The following DKK3 variants were observed in gnomAD, a reference collection of about 807,000 sequenced individuals.
The protein encoded by DKK3 is dickkopf Wnt signaling pathway inhibitor 3.
In DKK3, 22 loss-of-function variants were observed where a neutral mutation model predicts 33.2. That is an observed-to-expected ratio of 0.66 (90% CI 0.47 to 0.95). The LOEUF (loss-of-function observed/expected upper bound fraction) is 0.95, where lower values mean the gene tolerates loss of function less well. DKK3 is among the 40% of genes least tolerant of loss of function. The probability of loss-of-function intolerance (pLI) is 0.00; values close to 1 mark genes in which losing one functional copy is unlikely to be tolerated. For synonymous variants in DKK3, 194 were observed against 188.8 expected, an observed-to-expected ratio of 1.03 and a Z score of -0.23; for missense variants, 398 against 458.4, an observed-to-expected ratio of 0.87 and a Z score of 1.20.
rs111466220 is a variant in DKK3, at chr11:11,964,031, A to T, written c.*433T>A. ...TGCCCATGGAAAGAACTGCGTGGAAAATTCATTTGTTGCATTTTTGCCAGG... is the reference window on the plus strand; with the variant it reads ...TGCCCATGGAAAGAACTGCGTGGAATATTCATTTGTTGCATTTTTGCCAGG... On this transcript the variant is annotated 3_prime_UTR_variant, in exon 7 of 7. Coordinates refer to ENST00000683431, the MANE Select transcript of DKK3 (RefSeq NM_001018057.2). The T allele has an allele frequency of 1.1e-3, 193 of 183,754 alleles. 1 individual carries two copies. The highest frequency in any genetic ancestry group is 1.6e-3 in the Non-Finnish European group (144 of 87,346). 11.4% of individuals were successfully genotyped at this position (183,754 alleles called of 1,614,324 possible).
At chr11:12,002,874 C>G (rs1532246) in intron 1 of DKK3, among the ~76,000 whole-genome samples, 2 of 152,324 alleles carry the variant, frequency 1.3e-5, no homozygotes, top group East Asian at 1.9e-4. Flanking sequence ...AACTCTGTCT[C>G]TCTCTAAGGG....
chr11:11,988,271 C>T (rs547641336), intron 3 of DKK3, among the ~76,000 whole-genome samples: 11 of 152,316 alleles, frequency 7.2e-5, no homozygotes, highest in South Asian at 4.1e-4. Flanking sequence ...AATCTCCATC[C>T]ATCATTTTTC....
chr11:11,964,712 G>A, intron 6 of DKK3, 26 bp from the exon 7 acceptor site: 1 of 1,604,102 alleles, frequency 6.2e-7, no homozygotes, highest in Non-Finnish European at 8.5e-7. Context: ...ACAAAGCCAG[G>A]CTCTAAACGT....
intron 3 of DKK3, among the ~76,000 whole-genome samples, chr11:11,989,259 T>C (rs561798688): frequency 1.5e-3 from 233 of 152,352 alleles, no homozygotes; most frequent in Non-Finnish European, 2.8e-3. Flanking sequence ...GATATTTGCA[T>C]ACCTGTGTTC....
At chr11:11,975,665 T>C (rs12790233) in intron 3 of DKK3, among the ~76,000 whole-genome samples, 30,583 of 152,112 alleles carry the variant, frequency 0.2, 3,859 homozygotes, top group African/African-American at 0.37. Context: ...GCCAAGGTCC[T>C]GGTTCACCCA....
chr11:11,995,049 G>A (rs552797800), intron 3 of DKK3, among the ~76,000 whole-genome samples: 1 of 152,242 alleles, frequency 6.6e-6, no homozygotes, highest in East Asian at 1.9e-4. Context: ...GCTTTTGGCA[G>A]GAAAATCCAT....
chr11:11,987,657 G>A (rs967765071), intron 3 of DKK3, among the ~76,000 whole-genome samples: 6 of 152,246 alleles, frequency 3.9e-5, no homozygotes, highest in Admixed American at 2.0e-4. Flanking sequence ...TTCCTTCCTG[G>A]TTCAGAGGAG....
chr11:11,976,695 G>T (rs1163698996), intron 3 of DKK3, among the ~76,000 whole-genome samples: 1 of 152,226 alleles, frequency 6.6e-6, no homozygotes, highest in East Asian at 1.9e-4. Context: ...CCTGCTGCAG[G>T]AGGGCAGGGT....
rs545846944 is a variant in DKK3, at chr11:11,988,646, G to A, written c.435+10050C>T. Among the ~76,000 whole-genome samples the A allele has an allele frequency of 7.2e-5, 11 of 152,346 alleles. No homozygotes were observed. In the East Asian group the frequency reaches 2.1e-3, roughly 29 times the overall value. ...GAGCCCCTTTACAGGGAAGTGGGAG[G>A]CCCCTCATGCCTCTGGGGAGTCTTT... is the stretch of plus-strand genomic sequence containing the variant. On this transcript the variant is annotated intron_variant, in intron 3 of 6. Transcript: ENST00000683431.
intron 3 of DKK3, among the ~76,000 whole-genome samples, chr11:11,996,408 G>A (rs1444459537): frequency 2.0e-5 from 3 of 152,170 alleles, no homozygotes; most frequent in Admixed American, 1.3e-4. Flanking sequence ...AGAATTCTGT[G>A]GACATGGGAA....
rs1455190967 is a variant in DKK3 at position 11,964,392 on chromosome 11, C to T, written c.*72G>A. The T allele has an allele frequency of 5.2e-6, 8 of 1,551,860 alleles. No homozygotes were observed. The highest frequency in any genetic ancestry group is 3.5e-6 in the Non-Finnish European group (4 of 1,151,706). ...TGTAGGAAGAAGCCTGGTCAGCCCA[C>T]GCCTAAAGCACACACCTGGGGAAAT... On this transcript the variant is annotated 3_prime_UTR_variant, in exon 7 of 7. Coordinates refer to ENST00000683431, the MANE Select transcript of DKK3 (RefSeq NM_001018057.2).
chr11:11,964,604 G>T lies in DKK3; in HGVS notation c.913C>A (p.Pro305Thr), dbSNP rs1023002256. ...AAGCTGCCAACTTCATACTCATCGG[G>T]GACCTCTCTGGGCAGCAGGATCTCC... ...DGEILLPREV[P>T]DEYEVGSFME... is the part of the protein sequence containing the mutation. Residue 305 changes from proline to threonine, a missense_variant, in exon 7 of 7, where the codon CCC (proline) becomes ACC (threonine). Coordinates refer to ENST00000683431, the MANE Select transcript of DKK3 (RefSeq NM_001018057.2). The T allele has an allele frequency of 6.2e-7, 1 of 1,614,118 alleles. No individual in the cohort carries two copies. The highest frequency in any genetic ancestry group is 1.3e-5 in the African/African-American group (1 of 75,038).
At chr11:11,987,522 TG>T (rs1326864174) in intron 3 of DKK3, among the ~76,000 whole-genome samples, 5 of 152,174 alleles carry the variant, frequency 3.3e-5, no homozygotes, top group African/African-American at 1.2e-4. Context: ...AGTTGCTGCT[TG>T]GAAGTGCTGT....
rs996161011 is a variant in DKK3 at position 11,965,870 on chromosome 11, C to G, written c.769G>C (p.Glu257Gln). The stretch of plus-strand genomic sequence containing the variant: ...CATCGGTCCAAGGCTCCATCAGGCT[C>G]TAGCTCCCAGGTGATGAGGTCCAGA... ...RLLDLITWELEPDGALDRCPC... is the reference protein window; with the variant it reads ...RLLDLITWELQPDGALDRCPC... Residue 257 changes from glutamate to glutamine, a missense_variant, in exon 6 of 7, where the codon GAG (glutamate) becomes CAG (glutamine). Glu to Gln is a conservative substitution (Grantham distance 29). Transcript: ENST00000683431. The G allele has an allele frequency of 2.5e-6, 4 of 1,614,196 alleles. No individual in the cohort carries two copies. The East Asian group carries it at 6.7e-5, about 27-fold the overall frequency.
intron 3 of DKK3, among the ~76,000 whole-genome samples, chr11:11,995,648 G>T (rs1463248152): frequency 6.6e-6 from 1 of 152,224 alleles, no homozygotes; most frequent in Non-Finnish European, 1.5e-5. Context: ...ATAAATAAAA[G>T]TGTCCTATTA....
At chr11:12,002,714 C>G (rs1454994993) in intron 1 of DKK3, among the ~76,000 whole-genome samples, 1 of 152,160 alleles carries the variant, frequency 6.6e-6, no homozygotes, top group African/African-American at 2.4e-5. Context: ...ATAAATTCCC[C>G]AGAGTCCCAG....
chr11:12,002,401 C>T lies in DKK3; in HGVS notation c.250G>A (p.Glu84Lys), dbSNP rs1421647375. 3.7e-6 allele frequency: 6 copies of T among 1,613,748 alleles called. No individual in the cohort carries two copies. Among genetic ancestry groups the T allele is most frequent in the Non-Finnish European group, 5.1e-6 (6 of 1,179,964 alleles). ...AEEAAAKASSEVNLANLPPSY... is the reference protein window; with the variant it reads ...AEEAAAKASSKVNLANLPPSY... ...GGAGGTAAGTTTGCCAGGTTCACTT[C>T]TGATGATGCTTTAGCAGCAGCTTCT... is the stretch of plus-strand genomic sequence containing the variant. Residue 84 changes from glutamate to lysine, a missense_variant, in exon 2 of 7, where the codon GAA becomes AAA. By Grantham distance (56) the Glu-to-Lys change is moderately conservative. Transcript: ENST00000683431.
In DKK3 at chr11:11,995,627, G is replaced by A. The variant is rs144804679; in HGVS notation, c.435+3069C>T. The stretch of plus-strand genomic sequence containing the variant: ...TTGGGCCAGACTCTTCCTATGTGGG[G>A]ACACAGTTCCATAAATAAAAGTGTC... On this transcript the variant is annotated intron_variant, in intron 3 of 6. Transcript: ENST00000683431. Among the ~76,000 whole-genome samples the A allele has an allele frequency of 5.6e-3, 848 of 152,332 alleles. 3 individuals carry two copies. Among genetic ancestry groups the A allele is most frequent in the African/African-American group, 0.02 (813 of 41,568 alleles).
intron 3 of DKK3, among the ~76,000 whole-genome samples, chr11:11,993,476 T>G (rs1239868685): frequency 6.6e-6 from 1 of 152,190 alleles, no homozygotes; most frequent in Non-Finnish European, 1.5e-5. Flanking sequence ...ATCGCTTCTA[T>G]TTAATGAATT....
Sources: gnomAD v4.1 joint callset for allele counts (sites outside exome capture counted in the v4.1 genomes callset) on GRCh38, gnomAD v4.1.1 for gene constraint, MANE v1.5 for transcripts, NCBI Gene and HGNC (gene_info 2026-07-23, HGNC 2026-07-21) for gene names.